Variants in HSD17B12 observed in about 807,000 individuals in gnomAD.
HSD17B12 encodes very-long-chain 3-oxoacyl-CoA reductase.
HSD17B12 carries 32 observed loss-of-function variants against 39.3 expected under a neutral mutation model. That is an observed-to-expected ratio of 0.81 (90% CI 0.61 to 1.09). The LOEUF is 1.09. Ranked by LOEUF, HSD17B12 falls within the 50% of genes least tolerant of loss-of-function variation. The probability of loss-of-function intolerance (pLI) is 0.00; values close to 1 mark genes in which losing one functional copy is unlikely to be tolerated. For synonymous variants in HSD17B12, 150 were observed against 146.7 expected (o/e 1.02, Z -0.16); for missense variants, 342 against 382.9 (o/e 0.89, Z 0.89).
intron 1 of HSD17B12, among the ~76,000 whole-genome samples, chr11:43,730,163 A>C (rs1472544966): frequency 6.6e-6 from 1 of 152,168 alleles, no homozygotes; most frequent in Non-Finnish European, 1.5e-5. Flanking sequence ...AAAGATGCTG[A>C]AACTAAGGCT....
At chr11:43,672,819 G>T in the HSD17B12 span, among the ~76,000 whole-genome samples, 2 of 152,176 alleles carry the variant, frequency 1.3e-5, no homozygotes, top group African/African-American at 4.8e-5. Context: ...AGGATTACAG[G>T]CGTGAGTCGC....
chr11:43,805,979 A>G (rs574979956), intron 4 of HSD17B12, among the ~76,000 whole-genome samples: 1 of 152,312 alleles, frequency 6.6e-6, no homozygotes, highest in South Asian at 2.1e-4. Flanking sequence ...ATTATGATGG[A>G]TAAAAGTCAG....
chr11:43,774,850 A>G (rs1183647362), intron 3 of HSD17B12, among the ~76,000 whole-genome samples: 1 of 152,150 alleles, frequency 6.6e-6, no homozygotes, highest in Non-Finnish European at 1.5e-5. Context: ...CCTTAAGTTT[A>G]GGTGGGACCT....
At chr11:43,557,317 T>G in the HSD17B12 span, among the ~76,000 whole-genome samples, 1 of 152,192 alleles carries the variant, frequency 6.6e-6, no homozygotes, top group South Asian at 2.1e-4. Context: ...GGATTGATTC[T>G]CATTCACTGA....
chr11:43,705,540 T>C (rs1269363342), intron 1 of HSD17B12, among the ~76,000 whole-genome samples: 1 of 152,118 alleles, frequency 6.6e-6, no homozygotes, highest in Admixed American at 6.5e-5. Context: ...TATATGTGGA[T>C]ACGTTACTGT....
At chr11:43,663,331 C>T in the HSD17B12 span, among the ~76,000 whole-genome samples, 2 of 152,160 alleles carry the variant, frequency 1.3e-5, no homozygotes, top group African/African-American at 4.8e-5. Flanking sequence ...AACTCCTGAC[C>T]TCAAGTGATC....
chr11:43,701,423 T>C (rs946595712), intron 1 of HSD17B12, among the ~76,000 whole-genome samples: 82 of 152,184 alleles, frequency 5.4e-4, no homozygotes, highest in African/African-American at 1.9e-3. Context: ...CTAATGTCCT[T>C]GAGATTTTCT....
chr11:43,596,166 C>T, the HSD17B12 span, among the ~76,000 whole-genome samples: 1 of 152,122 alleles, frequency 6.6e-6, no homozygotes, highest in Non-Finnish European at 1.5e-5. Flanking sequence ...CCCAGCATTA[C>T]AGGAGTGAGC....
At chr11:43,797,292 C>A (rs1259569514) in intron 3 of HSD17B12, among the ~76,000 whole-genome samples, 1 of 152,158 alleles carries the variant, frequency 6.6e-6, no homozygotes, top group Non-Finnish European at 1.5e-5. Flanking sequence ...AAAATTAGTT[C>A]TTTTGAATTC....
intron 1 of HSD17B12, among the ~76,000 whole-genome samples, chr11:43,688,384 G>A (rs143471160): frequency 7.2e-5 from 11 of 152,238 alleles, no homozygotes; most frequent in Non-Finnish European, 1.6e-4. Flanking sequence ...TGAGTGATGG[G>A]GTTATTGAAA....
At chr11:43,768,797 T>C (rs1306667739) in intron 3 of HSD17B12, among the ~76,000 whole-genome samples, 1 of 152,240 alleles carries the variant, frequency 6.6e-6, no homozygotes, top group Non-Finnish European at 1.5e-5. Context: ...GGCCAGTTTT[T>C]ATTCTCTTAT....
intron 3 of HSD17B12, among the ~76,000 whole-genome samples, chr11:43,758,258 T>C (rs917172412): frequency 6.6e-6 from 1 of 152,170 alleles, no homozygotes; most frequent in African/African-American, 2.4e-5. Context: ...AGAGGAATTC[T>C]TTTGCTAGGA....
chr11:43,823,935 G>A lies in HSD17B12; in HGVS notation c.502-7041G>A, dbSNP rs539367445. ...TGAATCTGCCAGAAGTGGAAGAGGCGGAAGGTGAGTATCCTGGGTCAGAGG... is the reference window on the plus strand; with the variant it reads ...TGAATCTGCCAGAAGTGGAAGAGGCAGAAGGTGAGTATCCTGGGTCAGAGG... On this transcript the variant is annotated intron_variant, in intron 6 of 10. Transcript: ENST00000278353. 3.9e-5 allele frequency among the ~76,000 whole-genome samples: 6 copies of A among 152,220 alleles called. No individual in the cohort carries two copies. The East Asian group carries it at 5.8e-4, about 15-fold the overall frequency.
chr11:43,817,887 G>T (rs1023391019), intron 6 of HSD17B12, among the ~76,000 whole-genome samples: 1 of 151,906 alleles, frequency 6.6e-6, no homozygotes, highest in African/African-American at 2.4e-5. Flanking sequence ...GAAGAATGGC[G>T]GTGGTATTTT....
At chr11:43,652,513 G>A in the HSD17B12 span, among the ~76,000 whole-genome samples, 1 of 152,118 alleles carries the variant, frequency 6.6e-6, no homozygotes, top group South Asian at 2.1e-4. Flanking sequence ...AGTCCCACAA[G>A]ACTGCCACCA....
chr11:43,788,808 C>T (rs900426496), intron 3 of HSD17B12, among the ~76,000 whole-genome samples: 1 of 152,026 alleles, frequency 6.6e-6, no homozygotes, highest in Non-Finnish European at 1.5e-5. Context: ...ATTCCATAGG[C>T]CTGTGACCTG....
the HSD17B12 span, among the ~76,000 whole-genome samples, chr11:43,606,927 G>A: frequency 2.4e-4 from 37 of 152,294 alleles, no homozygotes; most frequent in African/African-American, 8.4e-4. Context: ...GTCAATGTGA[G>A]CAGTCTGTGT....
At chr11:43,766,093 G>C (rs1416511419) in intron 3 of HSD17B12, among the ~76,000 whole-genome samples, 1 of 152,226 alleles carries the variant, frequency 6.6e-6, no homozygotes. Context: ...CCAAAATGCT[G>C]GGATTACAGG....
the HSD17B12 span, among the ~76,000 whole-genome samples, chr11:43,661,850 C>A: frequency 6.6e-6 from 1 of 152,098 alleles, no homozygotes; most frequent in Non-Finnish European, 1.5e-5. Flanking sequence ...AAAATGTTTA[C>A]TACTTTAAAT....
Sources: allele counts gnomAD v4.1 joint callset (sites outside exome capture counted in the v4.1 genomes callset), GRCh38; gene constraint gnomAD v4.1.1; transcripts MANE v1.5; gene names NCBI Gene and HGNC (gene_info 2026-07-23, HGNC 2026-07-21).